Variants in AK1 observed in about 807,000 individuals in gnomAD.
AK1 encodes adenylate kinase 1.
Under a neutral mutation model 23.9 loss-of-function variants are expected in AK1, and 13 were observed. That is an observed-to-expected ratio of 0.54 (90% CI 0.35 to 0.86). AK1 has a LOEUF of 0.86. AK1 is among the 40% of genes least tolerant of loss of function. The pLI is 0.01. For synonymous variants in AK1, 97 were observed against 102.8 expected, an observed-to-expected ratio of 0.94 and a Z score of 0.34; for missense variants, 214 against 255.1, an observed-to-expected ratio of 0.84 and a Z score of 1.10.
At chr9:127,874,677 G>A in intron 1 of AK1, 28 bp from the exon 2 acceptor site, 3 of 1,610,098 alleles carry the variant, frequency 1.9e-6, no homozygotes, top group Non-Finnish European at 2.5e-6. Context: ...AGGTTGGGGA[G>A]GGATTTTCCT....
rs2070693 is a variant in AK1 at position 127,867,648 on chromosome 9, C to T, written c.*360G>A. 4.4e-3 allele frequency: 1,349 copies of T among 306,132 alleles called. 27 individuals are homozygous for T. In the East Asian group the frequency reaches 0.074, roughly 17 times the overall value. 19.0% of individuals were successfully genotyped at this position (306,132 alleles called of 1,614,324 possible). ...GAGCAGGGGCCCCGCCACTCAGCGC[C>T]GGGTCCTCAGGCCAGGCATGCCCTG... On this transcript the variant is annotated 3_prime_UTR_variant, in exon 7 of 7. Transcript: ENST00000644144.
At chr9:127,872,492 G>T (rs1829436090) in intron 4 of AK1, among the ~76,000 whole-genome samples, 198 bp downstream of exon 4, 1 of 152,164 alleles carries the variant, frequency 6.6e-6, no homozygotes, top group Non-Finnish European at 1.5e-5. Context: ...AGAGTTGGGG[G>T]CAGGGCAGAG....
rs1038449685 is a variant in AK1 at position 127,867,190 on chromosome 9, T to C, written c.*818A>G. On this transcript the variant is annotated 3_prime_UTR_variant, in exon 7 of 7. Transcript: ENST00000644144. ...CATGCCCGGCTAATTTTTGTATTTT[T>C]AGTAAATAAGGGGTTTTGCCATGTT... The C allele has an allele frequency of 1.3e-5, 2 of 152,118 alleles. No homozygotes were observed. Among genetic ancestry groups the C allele is most frequent in the African/African-American group, 4.8e-5 (2 of 41,422 alleles). The allele number at this position is 152,118 out of a possible 1,614,324, so 9.4% of individuals were successfully genotyped here. A position where few individuals can be genotyped will look rare whatever the true frequency, so the allele number is the denominator to read the frequency against.
Position 127,868,628 on chromosome 9 carries a change from C to T in AK1, c.325-116G>A. ...ACCCCCTCAGACCTTCAATCCCTTC[C>T]CCAAGGCAGCCTGAAAGACCTTCCT... On this transcript the variant is annotated intron_variant, in intron 5 of 6. Coordinates refer to ENST00000644144, the MANE Select transcript of AK1 (RefSeq NM_000476.3). This position sits in a 1 kb window ranked among gnomAD's most constrained non-coding sequence, Gnocchi z 4.1. 1 of 1,222,954 alleles carries T rather than the reference C, an allele frequency of 8.2e-7. No individual in the cohort carries two copies. The highest frequency in any genetic ancestry group is 1.2e-6 in the Non-Finnish European group (1 of 864,862). 75.8% of individuals were successfully genotyped at this position (1,222,954 alleles called of 1,614,324 possible). A position where few individuals can be genotyped will look rare whatever the true frequency, so the allele number is the denominator to read the frequency against.
intron 4 of AK1, among the ~76,000 whole-genome samples, chr9:127,872,259 A>T (rs1272887009): frequency 6.6e-6 from 1 of 152,184 alleles, no homozygotes; most frequent in Non-Finnish European, 1.5e-5. Context: ...GAGGGGACAG[A>T]CACATTCCAC....
At chr9:127,874,887 A>C in intron 1 of AK1, 1 of 531,082 alleles carries the variant, frequency 1.9e-6, no homozygotes, top group South Asian at 2.0e-5. Context: ...CTGTCACAGA[A>C]GGGCAGTAGC....
chr9:127,875,163 G>A (rs759201656), intron 1 of AK1, among the ~76,000 whole-genome samples: 1 of 152,114 alleles, frequency 6.6e-6, no homozygotes, highest in African/African-American at 2.4e-5. Context: ...GGCCTGGGGT[G>A]AAGGAATCTA....
At position 127,873,013 on chromosome 9, in the gene AK1, G is replaced by A. The variant is rs1829452158; in HGVS notation, c.43+13C>T. ...AAGACCCTTGCTGCACCACCCGCCTGCCCGCAACTCACCCACCACAAAGAT... is the reference window on the plus strand; with the variant it reads ...AAGACCCTTGCTGCACCACCCGCCTACCCGCAACTCACCCACCACAAAGAT... On this transcript the variant is annotated intron_variant, in intron 3 of 6. Transcript: ENST00000644144. 6.2e-7 allele frequency: 1 copy of A among 1,614,020 alleles called. No individual in the cohort carries two copies.
chr9:127,870,029 C>T (rs1188209018), intron 5 of AK1, among the ~76,000 whole-genome samples: 6 of 152,232 alleles, frequency 3.9e-5, no homozygotes, highest in Admixed American at 2.0e-4. Flanking sequence ...GGGTGTGAGC[C>T]GGCCACACTT....
rs1829258170 is a variant in AK1, at chr9:127,866,800, T to C, written c.*1208A>G. 1 of 152,278 alleles carries C rather than the reference T, an allele frequency of 6.6e-6. No homozygotes were observed. Among genetic ancestry groups the C allele is most frequent in the South Asian group, 2.1e-4 (1 of 4,828 alleles). 9.4% of individuals were successfully genotyped at this position (152,278 alleles called of 1,614,324 possible). A position where few individuals can be genotyped will look rare whatever the true frequency, so the allele number is the denominator to read the frequency against. ...CCGCACGCTTCGGGCCATGCTGTTC[T>C]GGTCTCCAGCCCTCATGGCCGTGGC... On this transcript the variant is annotated 3_prime_UTR_variant, in exon 7 of 7. Coordinates refer to ENST00000644144, the MANE Select transcript of AK1 (RefSeq NM_000476.3).
chr9:127,870,805 C>CGGGGCATGGGGATGGGGCATGGGGAT (rs752617830), intron 5 of AK1, among the ~76,000 whole-genome samples: 4 of 133,108 alleles, frequency 3.0e-5, no homozygotes, highest in African/African-American at 1.1e-4. Flanking sequence ...CCTACGGAGA[C>CGGGGCATGGGGATGGGGCATGGGGAT]GGGGCATGGG....
chr9:127,874,066 C>T, intron 2 of AK1: 1 of 984,082 alleles, frequency 1.0e-6, no homozygotes, highest in Non-Finnish European at 1.2e-6. Flanking sequence ...CAGCAGCAGG[C>T]CCGCTGGGTG....
Position 127,871,929 on chromosome 9 carries a change from A to G in AK1, c.218T>C (p.Leu73Ser), listed in dbSNP as rs779439692. The G allele has an allele frequency of 6.2e-7, 1 of 1,613,898 alleles. No individual in the cohort carries two copies. Residue 73 changes from leucine to serine, a missense_variant, in exon 5 of 7, where the codon TTG (leucine) becomes TCG (serine). Physicochemically the swap from Leu to Ser is moderately radical, Grantham distance 145. Coordinates refer to ENST00000644144, the MANE Select transcript of AK1 (RefSeq NM_000476.3). The surrounding 1 kb of genome is among the most constrained non-coding windows in gnomAD (Gnocchi z 4.4). ...KGQLVPLETV[L>S]DMLRDAMVAK... ...CACCATGGCATCCCGGAGCATGTCC[A>G]ACACTGTCTCCTGGGGCACAGCAAA...
intron 1 of AK1, 113 bp from the exon 2 acceptor site, chr9:127,874,762 G>A (rs1302911394): frequency 5.8e-6 from 6 of 1,033,886 alleles, no homozygotes; most frequent in Non-Finnish European, 8.9e-6. Flanking sequence ...TGCAGTCTGA[G>A]GGCAGAGGGG....
chr9:127,869,032 C>A (rs970593972), intron 5 of AK1, among the ~76,000 whole-genome samples: 1 of 152,172 alleles, frequency 6.6e-6, no homozygotes, highest in Non-Finnish European at 1.5e-5. Context: ...CAGGGAGGCA[C>A]TTGTCTCACA....
chr9:127,876,645 G>A (rs1383867494), intron 1 of AK1, among the ~76,000 whole-genome samples: 1 of 152,154 alleles, frequency 6.6e-6, no homozygotes. Flanking sequence ...CCTGAGAAGT[G>A]GCCTCGACCC....
At position 127,867,050 on chromosome 9, in the gene AK1, AC is replaced by A. The variant is rs1397469291; in HGVS notation, c.*957del. 1 of 128,474 alleles carries A rather than the reference AC, an allele frequency of 7.8e-6. No individual in the cohort carries two copies. The highest frequency in any genetic ancestry group is 1.5e-5 in the Non-Finnish European group (1 of 64,608). 8.0% of individuals were successfully genotyped at this position (128,474 alleles called of 1,614,324 possible). ...TTTTGAGACGGAGTCTTGCTCTGTC[AC>A]CCAGGCTGGAGTGCAGTGGCGCAAT... On this transcript the variant is annotated 3_prime_UTR_variant, in exon 7 of 7. Coordinates refer to ENST00000644144, the MANE Select transcript of AK1 (RefSeq NM_000476.3).
upstream of AK1, chr9:127,877,791 G>C (rs1588621521): frequency 6.6e-6 from 1 of 152,288 alleles, no homozygotes; most frequent in Non-Finnish European, 1.5e-5. The surrounding 1 kb of genome is among the most constrained non-coding windows in gnomAD (Gnocchi z 5.2). Flanking sequence ...ACCAGGGACC[G>C]GGAAGCGGGG....
chr9:127,875,874 G>C (rs1009637515), intron 1 of AK1, among the ~76,000 whole-genome samples: 1 of 152,144 alleles, frequency 6.6e-6, no homozygotes, highest in East Asian at 1.9e-4. Context: ...GCTAAGTAAG[G>C]GGCCTGGGCC....
Sources: gnomAD v4.1 joint callset for allele counts (sites outside exome capture counted in the v4.1 genomes callset) on GRCh38, gnomAD v4.1.1 for gene constraint, Gnocchi (gnomAD v3.1) non-coding constraint, MANE v1.5 for transcripts, NCBI Gene and HGNC (gene_info 2026-07-23, HGNC 2026-07-21) for gene names.